Variants in DIS3L2 observed in about 807,000 individuals in gnomAD.
DIS3L2 encodes the protein DIS3-like exonuclease 2.
Under a neutral mutation model 97.5 loss-of-function variants are expected in DIS3L2, and 34 were observed. The observed-to-expected ratio is 0.35, with a 90% CI of 0.27 to 0.46. The LOEUF (loss-of-function observed/expected upper bound fraction) is 0.46. Ranked by LOEUF, DIS3L2 falls within the 20% of genes least tolerant of loss-of-function variation. DIS3L2 has a pLI of 1.00. For missense variants in DIS3L2, 1,038 were observed against 1,146.0 expected, an observed-to-expected ratio of 0.91 and a Z score of 1.36; for synonymous variants, 435 against 445.2, an observed-to-expected ratio of 0.98 and a Z score of 0.29.
chr2:232,333,756 G>GAGCCAAGAA, intron 16 of DIS3L2, 84 bp from the exon 17 acceptor site: 4 of 1,487,176 alleles, frequency 2.7e-6, no homozygotes, highest in Admixed American at 2.3e-5. Flanking sequence ...CGCTGCCGAC[G>GAGCCAAGAA]GTGAGGCTGT....
intron 1 of DIS3L2, among the ~76,000 whole-genome samples, chr2:232,008,368 C>A (rs1694108410): frequency 6.6e-6 from 1 of 151,924 alleles, no homozygotes; most frequent in African/African-American, 2.4e-5. Flanking sequence ...ATTTTTATTT[C>A]TGGGAATTTG....
At chr2:232,123,921 TA>T (rs1374252637) in intron 6 of DIS3L2, among the ~76,000 whole-genome samples, 1 of 152,156 alleles carries the variant, frequency 6.6e-6, no homozygotes, top group Admixed American at 6.5e-5. Flanking sequence ...TCAAAGAATC[TA>T]AAGTCTTGAA....
At chr2:232,189,567 G>A (rs1691554189) in intron 9 of DIS3L2, among the ~76,000 whole-genome samples, 1 of 152,222 alleles carries the variant, frequency 6.6e-6, no homozygotes, top group Non-Finnish European at 1.5e-5. Flanking sequence ...ATTCGTAGTT[G>A]CCAAGATTGA....
At chr2:232,124,319 A>G (rs2106344164) in intron 6 of DIS3L2, among the ~76,000 whole-genome samples, 1 of 152,320 alleles carries the variant, frequency 6.6e-6, no homozygotes, top group African/African-American at 2.4e-5. Context: ...TTTGAAGATA[A>G]CTCTGAATTA....
chr2:231,962,521 G>T (rs1202166154), intron 1 of DIS3L2, among the ~76,000 whole-genome samples: 1 of 148,296 alleles, frequency 6.7e-6, no homozygotes, highest in Non-Finnish European at 1.5e-5. Context: ...TGCAAGCTCC[G>T]CCTCCTGGGT....
At chr2:232,044,054 A>G (rs1476251582) in intron 5 of DIS3L2, among the ~76,000 whole-genome samples, 3 of 152,206 alleles carry the variant, frequency 2.0e-5, no homozygotes, top group Admixed American at 2.0e-4. Flanking sequence ...TGAGCTTAAA[A>G]TGCAAGCTAG....
At chr2:231,975,538 T>TA (rs1010385333) in intron 1 of DIS3L2, among the ~76,000 whole-genome samples, 55 of 151,300 alleles carry the variant, frequency 3.6e-4, no homozygotes, top group African/African-American at 1.1e-3. Flanking sequence ...CCATCTCTAC[T>TA]AAAAAAATGC....
At chr2:232,333,721 C>T in intron 16 of DIS3L2, 119 bp from the exon 17 acceptor site, 1 of 1,396,268 alleles carries the variant, frequency 7.2e-7, no homozygotes, top group Non-Finnish European at 9.5e-7. Flanking sequence ...CAGCAACCAG[C>T]AGCCCATTAG....
chr2:232,282,142 TAAAAAAAAAAA>T (rs60408194), intron 13 of DIS3L2, among the ~76,000 whole-genome samples: 8 of 107,146 alleles, frequency 7.5e-5, no homozygotes, highest in South Asian at 6.6e-4. Context: ...CTCGTTTATT[TAAAAAAAAAAA>T]AAAAAAAAAA....
intron 9 of DIS3L2, among the ~76,000 whole-genome samples, chr2:232,182,491 T>G (rs1691318190): frequency 6.6e-6 from 1 of 152,240 alleles, no homozygotes. Context: ...TTTGTTTATT[T>G]TTTATCTCTG....
chr2:232,120,589 G>A (rs767972661), intron 6 of DIS3L2, among the ~76,000 whole-genome samples: 1 of 152,176 alleles, frequency 6.6e-6, no homozygotes, highest in Non-Finnish European at 1.5e-5. Context: ...GCATGTTCAA[G>A]GCCGTTGTTT....
At chr2:232,215,608 G>A (rs1409949186) in intron 10 of DIS3L2, among the ~76,000 whole-genome samples, 1 of 152,250 alleles carries the variant, frequency 6.6e-6, no homozygotes, top group East Asian at 1.9e-4. Context: ...GTGCCTGTAA[G>A]GATTTCAGAG....
chr2:232,271,703 C>T (rs1428547023), intron 13 of DIS3L2, among the ~76,000 whole-genome samples: 2 of 152,176 alleles, frequency 1.3e-5, no homozygotes, highest in African/African-American at 4.8e-5. Context: ...GTTCAGCACT[C>T]AGGCTATCTA....
intron 9 of DIS3L2, among the ~76,000 whole-genome samples, chr2:232,176,976 C>T (rs1423405243): frequency 5.6e-5 from 8 of 142,508 alleles, no homozygotes; most frequent in African/African-American, 2.1e-4. Context: ...CCACCACAGT[C>T]ACCAGAGTGT....
intron 8 of DIS3L2, among the ~76,000 whole-genome samples, chr2:232,155,685 G>C (rs757728703): frequency 5.3e-5 from 8 of 152,140 alleles, no homozygotes; most frequent in Admixed American, 1.3e-4. Context: ...AGGATCTAGA[G>C]ATGAGGAATA....
rs1251516455 is a variant in DIS3L2, at chr2:232,325,517, G to A, written c.1740-4296G>A. ...TCCCCACCCCCTCCTGCCCCAGGGA[G>A]GCCCAGAACCAGGGAGGAGAGGTGC... On this transcript the variant is annotated intron_variant, in intron 14 of 20. Coordinates refer to ENST00000325385, the MANE Select transcript of DIS3L2 (RefSeq NM_152383.5). The surrounding 1 kb of genome is among the most constrained non-coding windows in gnomAD (Gnocchi z 4.6). Among the ~76,000 whole-genome samples, 1 of 152,192 alleles carries A rather than the reference G, an allele frequency of 6.6e-6. No homozygotes were observed. The highest frequency in any genetic ancestry group is 1.5e-5 in the Non-Finnish European group (1 of 68,022).
downstream of DIS3L2, chr2:232,339,645 G>A (rs1390225116): frequency 2.2e-5 from 10 of 452,098 alleles, no homozygotes; most frequent in Admixed American, 2.4e-4. Context: ...AGAGAACAAG[G>A]CCTACAAGGA....
intron 1 of DIS3L2, among the ~76,000 whole-genome samples, chr2:231,971,353 C>A (rs957584425): frequency 6.6e-6 from 1 of 151,708 alleles, no homozygotes; most frequent in Non-Finnish European, 1.5e-5. Flanking sequence ...GCAACTTCTG[C>A]CTGCAACCTC....
At chr2:232,227,228 A>G (rs1288629558) in intron 10 of DIS3L2, among the ~76,000 whole-genome samples, 3 of 152,222 alleles carry the variant, frequency 2.0e-5, no homozygotes, top group Admixed American at 1.3e-4. Flanking sequence ...ATCTTTTAAA[A>G]TTAAATTGAG....
Sources: allele counts gnomAD v4.1 joint callset (sites outside exome capture counted in the v4.1 genomes callset), GRCh38; gene constraint gnomAD v4.1.1; non-coding constraint Gnocchi (gnomAD v3.1); transcripts MANE v1.5; gene names NCBI Gene and HGNC (gene_info 2026-07-23, HGNC 2026-07-21).